MOBP: variants seen among roughly 807,000 people sequenced by gnomAD.
MOBP encodes myelin-associated oligodendrocyte basic protein.
In MOBP, 5 loss-of-function variants were observed where a neutral mutation model predicts 15.0. That is an observed-to-expected ratio of 0.33 (90% CI 0.17 to 0.70). MOBP has a LOEUF of 0.70. Ranked by LOEUF, MOBP falls within the 30% of genes least tolerant of loss-of-function variation. MOBP has a pLI of 0.67. For synonymous variants in MOBP, 88 were observed against 99.0 expected, an observed-to-expected ratio of 0.89 and a Z score of 0.66; for missense variants, 188 against 257.8, an observed-to-expected ratio of 0.73 and a Z score of 1.85.
chr3:39,509,775 T>C (rs1378001918), intron 4 of MOBP, among the ~76,000 whole-genome samples: 1 of 152,132 alleles, frequency 6.6e-6, no homozygotes, highest in African/African-American at 2.4e-5. Flanking sequence ...TTTTTATTTT[T>C]GATACCCCAG....
intron 2 of MOBP, chr3:39,500,081 G>C: frequency 2.2e-6 from 1 of 456,152 alleles, no homozygotes; most frequent in Non-Finnish European, 4.4e-6. Flanking sequence ...AGCTCATTGT[G>C]AGCAGGATGT....
At chr3:39,468,936 T>TATG (rs747899949) in intron 1 of MOBP, among the ~76,000 whole-genome samples, 887 of 54,016 alleles carry the variant, frequency 0.016, 115 homozygotes, top group Admixed American at 0.045. Context: ...CATATATACA[T>TATG]TGTGTGTATA....
chr3:39,496,268 G>T (rs146395578), intron 2 of MOBP, among the ~76,000 whole-genome samples: 4 of 144,764 alleles, frequency 2.8e-5, no homozygotes, highest in African/African-American at 1.0e-4. Flanking sequence ...GCCCGATCTC[G>T]GCTCAGTGCA....
chr3:39,512,236 G>C (rs913797151), intron 4 of MOBP, among the ~76,000 whole-genome samples: 1 of 152,122 alleles, frequency 6.6e-6, no homozygotes, highest in Non-Finnish European at 1.5e-5. Context: ...ATATTACCTA[G>C]GATGCCACAG....
In MOBP at chr3:39,502,317, G is replaced by A; in HGVS notation, c.206+42G>A. On this transcript the variant is annotated intron_variant, in intron 3 of 3. Coordinates refer to ENST00000684792, the MANE Select transcript of MOBP (RefSeq NM_001393704.1). The surrounding 1 kb of genome is among the most constrained non-coding windows in gnomAD (Gnocchi z 6.3). ...CCCCGCGGCACCAGTTGGGCACAGCGCGTGGTCTCGGCTCCCAGCACGCCC... is the reference window on the plus strand; with the variant it reads ...CCCCGCGGCACCAGTTGGGCACAGCACGTGGTCTCGGCTCCCAGCACGCCC... 1 of 1,611,164 alleles carries A rather than the reference G, an allele frequency of 6.2e-7. No individual in the cohort carries two copies. Among genetic ancestry groups the A allele is most frequent in the Non-Finnish European group, 8.5e-7 (1 of 1,178,752 alleles).
intron 3 of MOBP, among the ~76,000 whole-genome samples, chr3:39,521,730 G>C (rs1199395210): frequency 6.6e-6 from 1 of 150,866 alleles, no homozygotes; most frequent in East Asian, 1.9e-4. Context: ...ACTCAAAAAT[G>C]AAAATGTCCG....
chr3:39,497,560 G>A (rs2042904438), intron 2 of MOBP, among the ~76,000 whole-genome samples: 1 of 152,110 alleles, frequency 6.6e-6, no homozygotes, highest in Admixed American at 6.6e-5. Flanking sequence ...ACACAGATGT[G>A]GATTCAAATC....
chr3:39,502,291 G>A lies in MOBP; in HGVS notation c.206+16G>A, dbSNP rs1559424193. The A allele has an allele frequency of 2.5e-6, 4 of 1,613,566 alleles. No homozygotes were observed. The Admixed American group carries it at 6.7e-5, about 27-fold the overall frequency. ...AGAAGACCAGGTAAGCGGCCGCCCA[G>A]CCCCGCGGCACCAGTTGGGCACAGC... On this transcript the variant is annotated intron_variant, in intron 3 of 3. Transcript: ENST00000684792. The surrounding 1 kb of genome is among the most constrained non-coding windows in gnomAD (Gnocchi z 6.3).
intron 1 of MOBP, among the ~76,000 whole-genome samples, chr3:39,479,241 C>G (rs1269118770): frequency 6.6e-6 from 1 of 152,158 alleles, no homozygotes. Context: ...TCACTTAAAA[C>G]TCTTACAAAG....
Position 39,489,944 on chromosome 3 carries a change from A to G in MOBP, c.-5+9821A>G, listed in dbSNP as rs367876316. ...TAAGCACCTTTAAAAATGGATGTCT[A>G]ATATTCAGTTGGTCTTCAAATGACT... is the stretch of plus-strand genomic sequence containing the variant. On this transcript the variant is annotated intron_variant, in intron 2 of 3. Transcript: ENST00000684792. Among the ~76,000 whole-genome samples, 10 of 152,236 alleles carry G rather than the reference A, an allele frequency of 6.6e-5. No homozygotes were observed. The East Asian group carries it at 1.7e-3, about 26-fold the overall frequency.
chr3:39,493,350 A>G (rs2042829151), intron 2 of MOBP, among the ~76,000 whole-genome samples: 1 of 152,148 alleles, frequency 6.6e-6, no homozygotes, highest in Non-Finnish European at 1.5e-5. Flanking sequence ...ATTAATTTGT[A>G]TGAATTAGAA....
At chr3:39,488,703 TGGGCA>T (rs1424968617) in intron 2 of MOBP, among the ~76,000 whole-genome samples, 79 of 152,342 alleles carry the variant, frequency 5.2e-4, no homozygotes, top group African/African-American at 1.9e-3. Flanking sequence ...ATTGCTTCAT[TGGGCA>T]TTCGCTTAAG....
chr3:39,499,626 C>A (rs937186364), intron 2 of MOBP: 3 of 158,476 alleles, frequency 1.9e-5, no homozygotes, highest in African/African-American at 4.8e-5. Context: ...ATGCCTGTTT[C>A]TTCATGGATG....
downstream of MOBP, among the ~76,000 whole-genome samples, chr3:39,519,118 G>A (rs1024939315): frequency 6.6e-6 from 1 of 152,172 alleles, no homozygotes; most frequent in Non-Finnish European, 1.5e-5. Context: ...AAATCTTGAT[G>A]CAGGAAGAAG....
At chr3:39,494,109 C>T (rs546834253) in intron 2 of MOBP, among the ~76,000 whole-genome samples, 33 of 152,230 alleles carry the variant, frequency 2.2e-4, no homozygotes, top group East Asian at 5.8e-4. Context: ...AATCAAGGTT[C>T]GTTACTGAGT....
chr3:39,481,079 A>C (rs924491304), intron 2 of MOBP, among the ~76,000 whole-genome samples: 1 of 152,162 alleles, frequency 6.6e-6, no homozygotes, highest in Non-Finnish European at 1.5e-5. Flanking sequence ...CCATTACTTC[A>C]ATTCTTCTCT....
At position 39,501,950 on chromosome 3, in the gene MOBP, C is replaced by T. The variant is rs924719699; in HGVS notation, c.-4-116C>T. The T allele has an allele frequency of 1.2e-5, 10 of 806,892 alleles. No individual in the cohort carries two copies. The African/African-American group carries it at 1.7e-4, about 14-fold the overall frequency. 50.0% of individuals were successfully genotyped at this position (806,892 alleles called of 1,614,324 possible). ...TCTTCCAGGGTGTTGCTCTGTAGGG[C>T]CCCCCTGAATGTTACCTTGGATTAT... On this transcript the variant is annotated intron_variant, in intron 2 of 3. Coordinates refer to ENST00000684792, the MANE Select transcript of MOBP (RefSeq NM_001393704.1).
chr3:39,485,731 A>G (rs115939603), intron 2 of MOBP, among the ~76,000 whole-genome samples: 1,844 of 151,906 alleles, frequency 0.012, 42 homozygotes, highest in African/African-American at 0.042. Context: ...GAATGGACCC[A>G]CCTCCCTCGC....
At chr3:39,482,079 T>G (rs1234498324) in intron 2 of MOBP, among the ~76,000 whole-genome samples, 1 of 152,162 alleles carries the variant, frequency 6.6e-6, no homozygotes, top group Non-Finnish European at 1.5e-5. Context: ...CACCTCAACT[T>G]GAATCCATTA....
Sources: gnomAD v4.1 joint callset for allele counts (sites outside exome capture counted in the v4.1 genomes callset) on GRCh38, gnomAD v4.1.1 for gene constraint, Gnocchi (gnomAD v3.1) non-coding constraint, MANE v1.5 for transcripts, NCBI Gene and HGNC (gene_info 2026-07-23, HGNC 2026-07-21) for gene names.